CCDC167: variants seen among roughly 807,000 people sequenced by gnomAD.
CCDC167 encodes coiled-coil domain containing 167.
Under a neutral mutation model 12.7 loss-of-function variants are expected in CCDC167, and 15 were observed. The observed-to-expected ratio is 1.18, with a 90% CI of 0.79 to 1.81. CCDC167 has a LOEUF of 1.81. Ranked by LOEUF, CCDC167 falls within the 40% of genes most tolerant of loss-of-function variation. CCDC167 has a pLI of 0.00. For missense variants in CCDC167, 121 were observed against 120.1 expected, an observed-to-expected ratio of 1.01 and a Z score of -0.03; for synonymous variants, 52 against 49.0, an observed-to-expected ratio of 1.06 and a Z score of -0.26.
At position 37,494,319 on chromosome 6, in the gene CCDC167, T is replaced by G. The variant is rs190992449; in HGVS notation, c.42+5503A>C. Among the ~76,000 whole-genome samples, 30 of 152,320 alleles carry G rather than the reference T, an allele frequency of 2.0e-4. No homozygotes were observed. The East Asian group carries it at 3.7e-3, about 19-fold the overall frequency. ...CTCAGGTGATCCGCCCGCCTGGGCC[T>G]CCCAAAGTGTTGGGATTACAGGCGT... is the stretch of plus-strand genomic sequence containing the variant. On this transcript the variant is annotated intron_variant, in intron 1 of 3. Coordinates refer to ENST00000373408, the MANE Select transcript of CCDC167 (RefSeq NM_138493.3).
intron 1 of CCDC167, among the ~76,000 whole-genome samples, chr6:37,485,696 A>T (rs1336112244): frequency 6.6e-6 from 1 of 152,242 alleles, no homozygotes; most frequent in East Asian, 1.9e-4. Context: ...GGCAACACAG[A>T]GGTGTTTTTC....
rs531354960 is a variant in CCDC167 at position 37,489,400 on chromosome 6, A to G, written c.43-4206T>C. On this transcript the variant is annotated intron_variant, in intron 1 of 3. Coordinates refer to ENST00000373408, the MANE Select transcript of CCDC167 (RefSeq NM_138493.3). ...AGGGAGGGCCCCCAGGGTAGATGTC[A>G]GAACAACAACAGGCCACAGGCCAGC... 7.9e-5 allele frequency among the ~76,000 whole-genome samples: 12 copies of G among 152,342 alleles called. No homozygotes were observed. In the East Asian group the frequency reaches 2.3e-3, roughly 29 times the overall value.
intron 1 of CCDC167, among the ~76,000 whole-genome samples, chr6:37,485,929 G>GA (rs1316122139): frequency 1.3e-5 from 2 of 152,166 alleles, no homozygotes; most frequent in Non-Finnish European, 2.9e-5. Context: ...TGTTCTTGGG[G>GA]AAATACTTGA....
chr6:37,484,908 C>T (rs762227556), intron 2 of CCDC167, 46 bp from the exon 3 acceptor site: 9 of 1,612,172 alleles, frequency 5.6e-6, no homozygotes, highest in Non-Finnish European at 7.6e-6. Context: ...TTTCCTTTTC[C>T]CCACCCGAGG....
intron 1 of CCDC167, among the ~76,000 whole-genome samples, chr6:37,497,318 A>G (rs556165205): frequency 3.8e-4 from 58 of 152,300 alleles, no homozygotes; most frequent in South Asian, 1.0e-3. Context: ...CATTTTTGCA[A>G]CCTTGTTTCA....
rs769267802 is a variant in CCDC167 at position 37,485,207 on chromosome 6, C to A, written c.43-13G>T. 2.5e-6 allele frequency: 4 copies of A among 1,604,498 alleles called. No individual in the cohort carries two copies. On this transcript the variant is annotated splice_polypyrimidine_tract_variant and intron_variant, in intron 1 of 3. Coordinates refer to ENST00000373408, the MANE Select transcript of CCDC167 (RefSeq NM_138493.3). ...CTAGCCCATCGATCTGAAACAAAGG[C>A]CACAGAGAGGTGGGCTGCCGAGGCT...
rs569076639 is a variant in CCDC167 at position 37,495,332 on chromosome 6, CA to C, written c.42+4489del. 5.9e-5 allele frequency among the ~76,000 whole-genome samples: 9 copies of C among 152,246 alleles called. No individual in the cohort carries two copies. In the East Asian group the frequency reaches 1.7e-3, roughly 29 times the overall value. ...GACACCAGTTTGAACAGTCCAGCTA[CA>C]AAAGAAAAGTGCAATGACAAAGGAA... On this transcript the variant is annotated intron_variant, in intron 1 of 3. Coordinates refer to ENST00000373408, the MANE Select transcript of CCDC167 (RefSeq NM_138493.3).
At chr6:37,499,279 T>C (rs1481574568) in intron 1 of CCDC167, among the ~76,000 whole-genome samples, 1 of 152,226 alleles carries the variant, frequency 6.6e-6, no homozygotes, top group East Asian at 1.9e-4. Context: ...TTCAGTGACA[T>C]CACCAATTCC....
At chr6:37,493,521 G>A (rs1762049172) in intron 1 of CCDC167, among the ~76,000 whole-genome samples, 1 of 152,238 alleles carries the variant, frequency 6.6e-6, no homozygotes, top group African/African-American at 2.4e-5. Context: ...GTCAAGTGGC[G>A]CAGAGCCAGA....
At chr6:37,499,680 C>T (rs1221388954) in intron 1 of CCDC167, 142 bp downstream of exon 1, 9 of 959,086 alleles carry the variant, frequency 9.4e-6, no homozygotes, top group African/African-American at 1.6e-5. Context: ...CCTTCTCACC[C>T]CTCCCGTCCC....
At chr6:37,496,836 G>A (rs953013376) in intron 1 of CCDC167, among the ~76,000 whole-genome samples, 8 of 152,202 alleles carry the variant, frequency 5.3e-5, no homozygotes, top group South Asian at 2.1e-4. Context: ...ACTGGTGAAC[G>A]CATTTCCCTG....
intron 1 of CCDC167, among the ~76,000 whole-genome samples, chr6:37,485,738 A>C (rs1006049160): frequency 3.3e-5 from 5 of 152,252 alleles, no homozygotes; most frequent in Non-Finnish European, 7.3e-5. Flanking sequence ...ATAACTTAGT[A>C]GTCCAAGTTG....
rs546123516 is a variant in CCDC167 at position 37,499,881 on chromosome 6, C to G, written c.-18G>C. On this transcript the variant is annotated 5_prime_UTR_variant, in exon 1 of 4. Transcript: ENST00000373408. ...TTAGTCATGTTACTTGCCGGGATCC[C>G]CCAGTCATCACTGGACGCGCCCACC... The G allele has an allele frequency of 6.2e-7, 1 of 1,614,134 alleles. No homozygotes were observed. Among genetic ancestry groups the G allele is most frequent in the African/African-American group, 1.3e-5 (1 of 75,044 alleles).
intron 1 of CCDC167, among the ~76,000 whole-genome samples, chr6:37,497,338 C>G (rs1298800259): frequency 6.6e-6 from 1 of 152,224 alleles, no homozygotes; most frequent in Non-Finnish European, 1.5e-5. Flanking sequence ...ATGTGTGATT[C>G]TGTTTAAAGT....
intron 1 of CCDC167, among the ~76,000 whole-genome samples, chr6:37,491,857 G>A (rs1160825453): frequency 1.3e-5 from 2 of 152,212 alleles, no homozygotes; most frequent in Non-Finnish European, 2.9e-5. Flanking sequence ...CAGATGAGGG[G>A]ACTCAGACAT....
rs537160753 is a variant in CCDC167, at chr6:37,492,322, C to T, written c.43-7128G>A. On this transcript the variant is annotated intron_variant, in intron 1 of 3. Coordinates refer to ENST00000373408, the MANE Select transcript of CCDC167 (RefSeq NM_138493.3). ...CCATCTAAGCTTGCTGATCTGGCTTCAACAGATTCTCTACTCGGAATAATC... is the reference window on the plus strand; with the variant it reads ...CCATCTAAGCTTGCTGATCTGGCTTTAACAGATTCTCTACTCGGAATAATC... Among the ~76,000 whole-genome samples the T allele has an allele frequency of 3.9e-5, 6 of 152,050 alleles. No individual in the cohort carries two copies. The South Asian group carries it at 1.2e-3, about 32-fold the overall frequency.
At chr6:37,490,017 A>T (rs1346332235) in intron 1 of CCDC167, among the ~76,000 whole-genome samples, 4 of 152,214 alleles carry the variant, frequency 2.6e-5, no homozygotes, top group Admixed American at 2.6e-4. Context: ...AACCAAGGTC[A>T]ATTTTTACAT....
At chr6:37,498,018 T>C (rs1369743639) in intron 1 of CCDC167, among the ~76,000 whole-genome samples, 2 of 152,180 alleles carry the variant, frequency 1.3e-5, no homozygotes, top group South Asian at 4.1e-4. Context: ...GCTGAGAACA[T>C]GGACTGCGAG....
At chr6:37,495,482 G>A (rs1352446720) in intron 1 of CCDC167, among the ~76,000 whole-genome samples, 1 of 152,212 alleles carries the variant, frequency 6.6e-6, no homozygotes, top group Non-Finnish European at 1.5e-5. Context: ...TCAGTACTGG[G>A]TGGGTGATTT....
Sources: gnomAD v4.1 joint callset for allele counts (sites outside exome capture counted in the v4.1 genomes callset) on GRCh38, gnomAD v4.1.1 for gene constraint, MANE v1.5 for transcripts, NCBI Gene and HGNC (gene_info 2026-07-23, HGNC 2026-07-21) for gene names.